GALNT13: variants seen among roughly 807,000 people sequenced by gnomAD.
GALNT13 encodes polypeptide N-acetylgalactosaminyltransferase 13.
A neutral mutation model predicts 64.2 loss-of-function variants in GALNT13; 28 were observed. That is an observed-to-expected ratio of 0.44 (90% CI 0.32 to 0.60). The LOEUF is 0.60. Ranked by LOEUF, GALNT13 falls within the 20% of genes least tolerant of loss-of-function variation. The probability of loss-of-function intolerance (pLI) is 0.05; values close to 1 mark genes in which losing one functional copy is unlikely to be tolerated. For synonymous variants in GALNT13, 214 were observed against 224.6 expected, an observed-to-expected ratio of 0.95 and a Z score of 0.42; for missense variants, 577 against 669.8, an observed-to-expected ratio of 0.86 and a Z score of 1.53.
chr2:153,537,514 T>A, the GALNT13 span, among the ~76,000 whole-genome samples: 4 of 152,200 alleles, frequency 2.6e-5, no homozygotes, highest in Non-Finnish European at 5.9e-5. Context: ...CAAGACTGTG[T>A]TGGGACTCAG....
the GALNT13 span, among the ~76,000 whole-genome samples, chr2:153,415,934 T>G: frequency 6.6e-6 from 1 of 152,210 alleles, no homozygotes; most frequent in African/African-American, 2.4e-5. Flanking sequence ...AAAAAAGTTC[T>G]GCCATAGCAG....
intron 2 of GALNT13, among the ~76,000 whole-genome samples, chr2:153,918,462 A>T (rs1574112383): frequency 6.6e-6 from 1 of 151,926 alleles, no homozygotes; most frequent in East Asian, 1.9e-4. Flanking sequence ...AACCTTTGCT[A>T]CTCCCCTATG....
chr2:154,235,104 C>T (rs1337765593), intron 4 of GALNT13, among the ~76,000 whole-genome samples: 2 of 152,026 alleles, frequency 1.3e-5, no homozygotes, highest in African/African-American at 4.8e-5. Context: ...AGTATGGGAG[C>T]GTTGGAAGTA....
At chr2:153,688,899 C>A in the GALNT13 span, among the ~76,000 whole-genome samples, 1 of 151,204 alleles carries the variant, frequency 6.6e-6, no homozygotes, top group South Asian at 2.1e-4. Flanking sequence ...ATTGTTGTTA[C>A]CTTTCTTGAG....
At chr2:154,050,492 G>T (rs1244617857) in intron 3 of GALNT13, among the ~76,000 whole-genome samples, 2 of 152,224 alleles carry the variant, frequency 1.3e-5, no homozygotes, top group East Asian at 3.9e-4. Context: ...ATCGTTGATA[G>T]CTTGATAAAG....
chr2:153,092,532 GT>G, the GALNT13 span, among the ~76,000 whole-genome samples: 2 of 152,000 alleles, frequency 1.3e-5, no homozygotes, highest in Non-Finnish European at 2.9e-5. Flanking sequence ...GTGTTTTATA[GT>G]TTTTATTATA....
At chr2:154,078,835 A>G (rs1701123476) in intron 3 of GALNT13, among the ~76,000 whole-genome samples, 1 of 151,564 alleles carries the variant, frequency 6.6e-6, no homozygotes, top group Non-Finnish European at 1.5e-5. Flanking sequence ...TTGTGTTTAA[A>G]TCCCAGCATT....
At chr2:154,262,452 A>G (rs1388235509) in intron 8 of GALNT13, among the ~76,000 whole-genome samples, 1 of 152,204 alleles carries the variant, frequency 6.6e-6, no homozygotes, top group Non-Finnish European at 1.5e-5. Context: ...GATAATACAC[A>G]TTCAATAGCA....
intron 11 of GALNT13, among the ~76,000 whole-genome samples, chr2:154,417,505 A>ATTTTTTTT (rs979460063): frequency 7.3e-6 from 1 of 136,360 alleles, no homozygotes; most frequent in African/African-American, 2.9e-5. Context: ...TTATTTATTT[A>ATTTTTTTT]TTTATTTATT....
intron 3 of GALNT13, among the ~76,000 whole-genome samples, chr2:154,086,063 T>G (rs73965366): frequency 0.05 from 7,558 of 150,924 alleles, 373 homozygotes; most frequent in African/African-American, 0.12. Context: ...AATGTTAAAC[T>G]GAAAATACCC....
intron 11 of GALNT13, among the ~76,000 whole-genome samples, chr2:154,431,836 G>A (rs1014546785): frequency 2.0e-5 from 3 of 152,152 alleles, no homozygotes; most frequent in Non-Finnish European, 2.9e-5. Context: ...CCCTGCACAC[G>A]CTCTCTTGCC....
chr2:154,362,417 C>T (rs1170876948), intron 9 of GALNT13, among the ~76,000 whole-genome samples: 1 of 151,988 alleles, frequency 6.6e-6, no homozygotes, highest in East Asian at 1.9e-4. Flanking sequence ...CCCACCTCTC[C>T]TTTCATCTTT....
chr2:153,780,753 T>G, the GALNT13 span, among the ~76,000 whole-genome samples: 1 of 152,060 alleles, frequency 6.6e-6, no homozygotes, highest in Non-Finnish European at 1.5e-5. Flanking sequence ...TAGCCTACTT[T>G]CCACTCAAAT....
At chr2:154,044,779 A>G (rs1040909140) in intron 3 of GALNT13, among the ~76,000 whole-genome samples, 1 of 152,236 alleles carries the variant, frequency 6.6e-6, no homozygotes, top group Non-Finnish European at 1.5e-5. Context: ...ACCCTGGGCC[A>G]ACAAGGTTTT....
intron 3 of GALNT13, among the ~76,000 whole-genome samples, chr2:153,990,304 G>T (rs561511942): frequency 1.3e-5 from 2 of 152,020 alleles, no homozygotes; most frequent in African/African-American, 2.4e-5. Context: ...ACAAGTTGTC[G>T]CAGAAGACCA....
intron 3 of GALNT13, among the ~76,000 whole-genome samples, chr2:153,993,203 TAA>T (rs1433636027): frequency 3.9e-5 from 6 of 152,182 alleles, no homozygotes; most frequent in African/African-American, 1.4e-4. Flanking sequence ...TTGTATATAT[TAA>T]GTTTTTATGT....
At chr2:153,763,183 T>C in the GALNT13 span, among the ~76,000 whole-genome samples, 1 of 152,104 alleles carries the variant, frequency 6.6e-6, no homozygotes, top group Non-Finnish European at 1.5e-5. Context: ...CATATCAGAG[T>C]ATATTGAATA....
At chr2:154,128,961 T>C (rs946577174) in intron 3 of GALNT13, among the ~76,000 whole-genome samples, 2 of 152,172 alleles carry the variant, frequency 1.3e-5, no homozygotes, top group African/African-American at 4.8e-5. Context: ...TGGTAAAATA[T>C]GTGGGCTTCC....
intron 2 of GALNT13, among the ~76,000 whole-genome samples, chr2:153,912,577 G>GTT (rs70981688): frequency 3.5e-4 from 53 of 151,220 alleles, no homozygotes; most frequent in African/African-American, 1.2e-3. Context: ...TCATTTAGAT[G>GTT]TTTTTTTTTC....
Sources: allele counts gnomAD v4.1 joint callset (sites outside exome capture counted in the v4.1 genomes callset), GRCh38; gene constraint gnomAD v4.1.1; transcripts MANE v1.5; gene names NCBI Gene and HGNC (gene_info 2026-07-23, HGNC 2026-07-21).